Variants in MON2 observed in about 807,000 individuals in gnomAD.
The protein encoded by MON2 is MON2 regulator of endosome-to-Golgi trafficking.
MON2 carries 84 observed loss-of-function variants against 208.6 expected under a neutral mutation model. The ratio of observed to expected loss-of-function variants is 0.40; its 90% CI spans 0.34 to 0.48. The LOEUF (loss-of-function observed/expected upper bound fraction) is 0.48. Among genes scored for constraint, MON2 ranks in the 20% least tolerant of loss-of-function variants. MON2 has a pLI of 0.59. For missense variants in MON2, 1,611 were observed against 2,015.4 expected, an observed-to-expected ratio of 0.80 and a Z score of 3.84; for synonymous variants, 660 against 694.0, an observed-to-expected ratio of 0.95 and a Z score of 0.77.
chr12:62,512,352 G>C (rs945709699), intron 8 of MON2, among the ~76,000 whole-genome samples: 4 of 152,180 alleles, frequency 2.6e-5, no homozygotes, highest in Non-Finnish European at 4.4e-5. Flanking sequence ...AGATACAATG[G>C]GGGTACAAGC....
At position 62,494,019 on chromosome 12, in the gene MON2, A is replaced by G. The variant is rs775222903; in HGVS notation, c.280A>G (p.Met94Val). 6.2e-7 allele frequency: 1 copy of G among 1,613,026 alleles called. No individual in the cohort carries two copies. Among genetic ancestry groups the G allele is most frequent in the South Asian group, 1.1e-5 (1 of 90,980 alleles). The change falls in exon 3 of 35, where the codon ATG (methionine) becomes GTG (valine). Residue 94 changes from methionine to valine, a missense_variant. Physicochemically the swap from Met to Val is conservative, Grantham distance 21. Coordinates refer to ENST00000393630, the MANE Select transcript of MON2 (RefSeq NM_015026.3). ...ATGTTTGGCTGCTATTCAGAGACTC[A>G]TGTCACATGAAGTCGTGTCTGAGGT... ...QLCLAAIQRLMSHEVVSETAA... is the reference protein window; with the variant it reads ...QLCLAAIQRLVSHEVVSETAA...
intron 24 of MON2, 73 bp from the exon 25 acceptor site, chr12:62,555,921 T>C (rs754442865): frequency 3.6e-6 from 4 of 1,113,700 alleles, no homozygotes; most frequent in African/African-American, 3.1e-5. Context: ...TAGATTCTTA[T>C]GCTGTTGCTC....
In MON2 at chr12:62,593,754, T is replaced by G. The variant is rs1471925578; in HGVS notation, c.*1005T>G. ...GAATTATGACCCAGGCAAGATGATT[T>G]CAGATTTTCTAAAATCTTGCCTGTG... On this transcript the variant is annotated 3_prime_UTR_variant, in exon 35 of 35. Coordinates refer to ENST00000393630, the MANE Select transcript of MON2 (RefSeq NM_015026.3). 6.6e-6 allele frequency: 1 copy of G among 152,272 alleles called. No homozygotes were observed. The highest frequency in any genetic ancestry group is 2.4e-5 in the African/African-American group (1 of 41,466). 9.4% of individuals were successfully genotyped at this position (152,272 alleles called of 1,614,324 possible).
At chr12:62,491,545 A>G (rs2070141347) in intron 2 of MON2, among the ~76,000 whole-genome samples, 1 of 152,106 alleles carries the variant, frequency 6.6e-6, no homozygotes, top group Admixed American at 6.5e-5. Flanking sequence ...TTAAAGTGCA[A>G]ATCACTGGGT....
intron 24 of MON2, among the ~76,000 whole-genome samples, chr12:62,554,116 T>A (rs979972749): frequency 1.3e-5 from 2 of 152,262 alleles, no homozygotes; most frequent in Non-Finnish European, 2.9e-5. Context: ...CCATACAGTT[T>A]GTTTTTAATC....
At chr12:62,492,326 A>G (rs897993383) in intron 2 of MON2, among the ~76,000 whole-genome samples, 6 of 148,044 alleles carry the variant, frequency 4.1e-5, no homozygotes, top group Admixed American at 3.3e-4. Flanking sequence ...TCTTTATTGC[A>G]TGTCTTGCCT....
chr12:62,516,148 G>C (rs1002248016), intron 8 of MON2, among the ~76,000 whole-genome samples: 1 of 152,148 alleles, frequency 6.6e-6, no homozygotes, highest in African/African-American at 2.4e-5. Flanking sequence ...AGGACATTAT[G>C]TTAAGTGAAA....
rs2073512693 is a variant in MON2 at position 62,546,932 on chromosome 12, G to T, written c.2613G>T (p.Glu871Asp). 6.2e-7 allele frequency: 1 copy of T among 1,612,758 alleles called. No individual in the cohort carries two copies. The highest frequency in any genetic ancestry group is 2.2e-5 in the East Asian group (1 of 44,776). ...TGCTTTTATTGAACCCGTTAAAGGA[G>T]ATGTCCAATATTAATCATCCAGATA... is the stretch of plus-strand genomic sequence containing the variant. ...LQLLLLNPLK[E>D]MSNINHPDIR... The change falls in exon 22 of 35, where the codon GAG (glutamate) becomes GAT (aspartate). Residue 871 changes from glutamate (E) to aspartate (D), a missense_variant. Transcript: ENST00000393630.
At position 62,566,584 on chromosome 12, in the gene MON2, T is replaced by C. The variant is rs550900017; in HGVS notation, c.4323+134T>C. ...GTAGTATTATTTGTAATGACTTTTC[T>C]CCAATATTCATGAATTGTATTTAGC... On this transcript the variant is annotated intron_variant, in intron 29 of 34. Transcript: ENST00000393630. 8.6e-5 allele frequency: 82 copies of C among 956,134 alleles called. No homozygotes were observed. The East Asian group carries it at 2.4e-3, about 28-fold the overall frequency. The allele number at this position is 956,134 out of a possible 1,614,324, so 59.2% of individuals were successfully genotyped here.
chr12:62,478,109 T>C (rs1366459425), intron 1 of MON2, among the ~76,000 whole-genome samples: 1 of 148,490 alleles, frequency 6.7e-6, no homozygotes, highest in Non-Finnish European at 1.5e-5. Context: ...AATTGGCACT[T>C]GTAGATATAA....
intron 27 of MON2, 129 bp downstream of exon 27, chr12:62,565,509 T>A: frequency 1.2e-6 from 1 of 818,972 alleles, no homozygotes; most frequent in Non-Finnish European, 1.8e-6. Context: ...TTTATACATG[T>A]CTGTTAGCAG....
chr12:62,528,079 A>AT (rs567470618), intron 11 of MON2, among the ~76,000 whole-genome samples: 11 of 151,128 alleles, frequency 7.3e-5, no homozygotes, highest in Admixed American at 2.0e-4. Flanking sequence ...ATATGTGTAG[A>AT]TTTTTTTTTA....
At chr12:62,578,058 G>A (rs1318263749) in intron 30 of MON2, among the ~76,000 whole-genome samples, 1 of 152,104 alleles carries the variant, frequency 6.6e-6, no homozygotes, top group East Asian at 1.9e-4. Context: ...GAATAATTCA[G>A]CAGCTGAACT....
At chr12:62,473,886 T>TCCACACTTGTCTGGGAG (rs1489640463) in intron 1 of MON2, among the ~76,000 whole-genome samples, 16 of 151,956 alleles carry the variant, frequency 1.1e-4, no homozygotes, top group Non-Finnish European at 1.6e-4. Flanking sequence ...TTTCTTTACA[T>TCCACACTTGTCTGGGAG]ACAAGTGTCT....
At chr12:62,513,701 C>A (rs1188810507) in intron 8 of MON2, among the ~76,000 whole-genome samples, 2 of 125,716 alleles carry the variant, frequency 1.6e-5, no homozygotes, top group African/African-American at 2.6e-5. Context: ...AATCCCAGCA[C>A]TTTGGGAGGC....
chr12:62,542,985 C>A, intron 19 of MON2, 112 bp from the exon 20 acceptor site: 1 of 567,242 alleles, frequency 1.8e-6, no homozygotes, highest in Non-Finnish European at 3.0e-6. Flanking sequence ...TTTATACTAA[C>A]CACTCAATTT....
Position 62,493,981 on chromosome 12 carries a change from A to G in MON2, c.242A>G (p.Lys81Arg), listed in dbSNP as rs748568128. 46 of 1,613,120 alleles carry G rather than the reference A, an allele frequency of 2.9e-5. No individual in the cohort carries two copies. The highest frequency in any genetic ancestry group is 3.8e-5 in the Non-Finnish European group (45 of 1,179,388). ...FLMGCGTKEPKITQLCLAAIQ... is the reference protein window; with the variant it reads ...FLMGCGTKEPRITQLCLAAIQ... ...ATGGGTTGTGGAACCAAGGAACCGA[A>G]GATCACTCAGCTATGTTTGGCTGCT... Residue 81 changes from lysine to arginine, a missense_variant, in exon 3 of 35, where the codon AAG becomes AGG. By Grantham distance (26) the Lys-to-Arg change is conservative. Coordinates refer to ENST00000393630, the MANE Select transcript of MON2 (RefSeq NM_015026.3).
chr12:62,534,542 A>AAAAAATAT (rs1555169522), intron 12 of MON2, among the ~76,000 whole-genome samples: 3 of 22,850 alleles, frequency 1.3e-4, no homozygotes, highest in African/African-American at 5.9e-4. Flanking sequence ...AAAAAAAAAA[A>AAAAAATAT]ATATATATAT....
chr12:62,522,062 T>G (rs1432254295), intron 8 of MON2, among the ~76,000 whole-genome samples: 1 of 151,954 alleles, frequency 6.6e-6, no homozygotes, highest in Non-Finnish European at 1.5e-5. Context: ...GCATGGTGGC[T>G]TGTAATCCCA....
Sources: allele counts gnomAD v4.1 joint callset (sites outside exome capture counted in the v4.1 genomes callset), GRCh38; gene constraint gnomAD v4.1.1; transcripts MANE v1.5; gene names NCBI Gene and HGNC (gene_info 2026-07-23, HGNC 2026-07-21).